Variants in SHANK2 observed in about 807,000 individuals in gnomAD.
The protein encoded by SHANK2 is SH3 and multiple ankyrin repeat domains protein 2.
SHANK2 carries 43 observed loss-of-function variants against 133.7 expected under a neutral mutation model. The observed-to-expected ratio is 0.32, with a 90% CI of 0.25 to 0.41. SHANK2 has a LOEUF of 0.41. Among genes scored for constraint, SHANK2 ranks in the 10% least tolerant of loss-of-function variants. The pLI is 1.00. For missense variants in SHANK2, 1,994 were observed against 2,235.8 expected (o/e 0.89, Z 2.18); for synonymous variants, 1,017 against 952.8 (o/e 1.07, Z -1.24).
At chr11:70,923,753 A>G (rs1364617887) in intron 10 of SHANK2, among the ~76,000 whole-genome samples, 1 of 151,748 alleles carries the variant, frequency 6.6e-6, no homozygotes, top group Non-Finnish European at 1.5e-5. Flanking sequence ...AGGTCTCACT[A>G]TGTTGCCCTG....
chr11:71,130,646 G>A (rs1248606275), intron 3 of SHANK2, among the ~76,000 whole-genome samples: 2 of 152,158 alleles, frequency 1.3e-5, no homozygotes, highest in Non-Finnish European at 2.9e-5. Context: ...TGGATTCAGG[G>A]ACCTCCACCT....
At chr11:70,614,057 G>A (rs1207128) in intron 17 of SHANK2, among the ~76,000 whole-genome samples, 12 of 152,046 alleles carry the variant, frequency 7.9e-5, no homozygotes, top group Non-Finnish European at 1.2e-4. Flanking sequence ...GAGCCATTGC[G>A]CCCAACCAGA....
Position 70,674,929 on chromosome 11 carries a change from A to G in SHANK2, c.1854-13251T>C, listed in dbSNP as rs115543509. Among the ~76,000 whole-genome samples, 384 of 152,384 alleles carry G rather than the reference A, an allele frequency of 2.5e-3. 2 individuals carry two copies. Among genetic ancestry groups the G allele is most frequent in the African/African-American group, 9.0e-3 (374 of 41,594 alleles). On this transcript the variant is annotated intron_variant, in intron 15 of 25. Transcript: ENST00000601538. ...TTCTAACGACATTTAAGTCCACACA[A>G]ATAATACATGTACATGGCATATAAC...
intron 17 of SHANK2, among the ~76,000 whole-genome samples, chr11:70,528,870 G>T (rs1554972656): frequency 6.6e-6 from 1 of 152,088 alleles, no homozygotes; most frequent in Admixed American, 6.5e-5. Flanking sequence ...CTGCTCCAGG[G>T]TCCCCACACC....
At chr11:71,242,703 T>TC (rs1591048304) in intron 1 of SHANK2, among the ~76,000 whole-genome samples, 2 of 152,228 alleles carry the variant, frequency 1.3e-5, no homozygotes, top group Non-Finnish European at 2.9e-5. Context: ...TCTGTCTGGT[T>TC]CACTGTTGTA....
chr11:71,127,244 G>C (rs1474867263), intron 3 of SHANK2, among the ~76,000 whole-genome samples: 1 of 152,180 alleles, frequency 6.6e-6, no homozygotes, highest in Non-Finnish European at 1.5e-5. Flanking sequence ...ATGAGCAGAG[G>C]AAGTGGTTTC....
intron 11 of SHANK2, among the ~76,000 whole-genome samples, chr11:70,849,015 G>A (rs782470097): frequency 2.6e-5 from 4 of 152,138 alleles, no homozygotes; most frequent in East Asian, 1.9e-4. Flanking sequence ...GGATGTGAGT[G>A]GTGCCCAGGG....
rs1462234235 is a variant in SHANK2 at position 70,740,606 on chromosome 11, G to A, written c.1778-41843C>T. ...TGTTCCTCCCCCTCACCCCCTGCCC[G>A]GTTGGATAGGCCCCAGCAAGCAGCA... On this transcript the variant is annotated intron_variant, in intron 14 of 25. Coordinates refer to ENST00000601538, the MANE Select transcript of SHANK2 (RefSeq NM_012309.5). 5.3e-5 allele frequency among the ~76,000 whole-genome samples: 8 copies of A among 152,240 alleles called. No individual in the cohort carries two copies. In the East Asian group the frequency reaches 5.8e-4, roughly 11 times the overall value.
chr11:71,217,503 C>CA (rs1280430190), intron 2 of SHANK2, among the ~76,000 whole-genome samples: 2,158 of 141,154 alleles, frequency 0.015, 51 homozygotes, highest in African/African-American at 0.049. Context: ...GACTCCGTCT[C>CA]AAAAAAAAAA....
At chr11:70,665,720 G>C (rs1944667383) in intron 15 of SHANK2, among the ~76,000 whole-genome samples, 1 of 152,150 alleles carries the variant, frequency 6.6e-6, no homozygotes, top group Admixed American at 6.6e-5. Flanking sequence ...TCAATTTCCT[G>C]ACCTGCAAAG....
At chr11:71,080,876 C>A (rs1207578219) in intron 8 of SHANK2, among the ~76,000 whole-genome samples, 2 of 152,188 alleles carry the variant, frequency 1.3e-5, no homozygotes, top group African/African-American at 2.4e-5. Flanking sequence ...GAGGCCAATG[C>A]ACCTGAATGA....
intron 8 of SHANK2, among the ~76,000 whole-genome samples, chr11:71,086,278 A>ATATTATATGTTATATTATATATG (rs1555092894): frequency 1.9e-4 from 11 of 57,582 alleles, no homozygotes; most frequent in African/African-American, 7.4e-4. Context: ...TATATGTTAT[A>ATATTATATGTTATATTATATATG]TTATATATGT....
chr11:70,950,045 A>G (rs1461115089), intron 10 of SHANK2: 23 of 456,542 alleles, frequency 5.0e-5, no homozygotes, highest in Admixed American at 4.9e-4. Context: ...GGGCGGAAAG[A>G]CAAGGCAGTT....
intron 2 of SHANK2, among the ~76,000 whole-genome samples, chr11:71,220,124 C>T (rs1954505720): frequency 6.6e-6 from 1 of 152,058 alleles, no homozygotes; most frequent in African/African-American, 2.4e-5. Context: ...CCCAACTACT[C>T]AGGAGGCCGA....
chr11:70,873,549 ACACC>A (rs1393526545), intron 11 of SHANK2, among the ~76,000 whole-genome samples: 2 of 152,162 alleles, frequency 1.3e-5, no homozygotes, highest in Admixed American at 1.3e-4. Context: ...CGGCTGCCAC[ACACC>A]CTTTCGGGGC....
At chr11:70,939,091 C>T (rs1473707012) in intron 10 of SHANK2, among the ~76,000 whole-genome samples, 2 of 152,066 alleles carry the variant, frequency 1.3e-5, no homozygotes, top group Non-Finnish European at 2.9e-5. Context: ...TAAGGGAACC[C>T]GGGGTGACTT....
chr11:71,167,519 A>C (rs1381750678), intron 2 of SHANK2, among the ~76,000 whole-genome samples: 1 of 98,180 alleles, frequency 1.0e-5, no homozygotes, highest in Non-Finnish European at 2.1e-5. Flanking sequence ...CCTCCCAGAC[A>C]GGGCGGCTGG....
chr11:70,604,266 T>C (rs1208654162), intron 17 of SHANK2: 2 of 152,330 alleles, frequency 1.3e-5, no homozygotes, highest in African/African-American at 4.8e-5. Context: ...AAGTGAGCGG[T>C]GCAAGAGCAC....
At chr11:70,516,959 G>A (rs1028592872) in intron 17 of SHANK2, among the ~76,000 whole-genome samples, 8 of 152,300 alleles carry the variant, frequency 5.3e-5, no homozygotes, top group South Asian at 2.1e-4. Context: ...TGTAATCCCA[G>A]CTACTTGGGA....
Sources: allele counts gnomAD v4.1 joint callset (sites outside exome capture counted in the v4.1 genomes callset), GRCh38; gene constraint gnomAD v4.1.1; transcripts MANE v1.5; gene names NCBI Gene and HGNC (gene_info 2026-07-23, HGNC 2026-07-21).